The following USH2A variants were observed in gnomAD, a reference collection of about 807,000 sequenced individuals.
USH2A encodes the protein usherin, also known as Usher syndrome 2A (autosomal recessive, mild).
USH2A carries 443 observed loss-of-function variants against 538.9 expected under a neutral mutation model. That is an observed-to-expected ratio of 0.82 (90% CI 0.76 to 0.89). USH2A has a LOEUF of 0.89. Among genes scored for constraint, USH2A ranks in the 40% least tolerant of loss-of-function variants. The pLI is 0.00. For missense variants in USH2A, 6,633 were observed against 6,324.8 expected (o/e 1.05, Z -1.65); for synonymous variants, 2,413 against 2,273.5 (o/e 1.06, Z -1.75).
chr1:216,397,472 C>T (rs960369709), intron 3 of USH2A, among the ~76,000 whole-genome samples: 1 of 152,156 alleles, frequency 6.6e-6, no homozygotes, highest in Non-Finnish European at 1.5e-5. Context: ...AGAGAAAGAC[C>T]TACCCTCAAT....
chr1:216,159,571 C>CACAG (rs67390722), intron 21 of USH2A, among the ~76,000 whole-genome samples: 7,505 of 144,936 alleles, frequency 0.052, 249 homozygotes, highest in Non-Finnish European at 0.081. Flanking sequence ...CACACACACA[C>CACAG]AGAGAATATT....
intron 3 of USH2A, among the ~76,000 whole-genome samples, chr1:216,401,083 G>C (rs1319037894): frequency 6.6e-6 from 1 of 152,028 alleles, no homozygotes; most frequent in Non-Finnish European, 1.5e-5. Context: ...CACGGTTGAA[G>C]CAAAAATTAC....
At chr1:215,693,837 C>A (rs1658702239) in intron 61 of USH2A, among the ~76,000 whole-genome samples, 1 of 152,066 alleles carries the variant, frequency 6.6e-6, no homozygotes, top group Non-Finnish European at 1.5e-5. Flanking sequence ...CTGGCAGAGC[C>A]CCTGAAAGAG....
chr1:215,675,188 G>A lies in USH2A; in HGVS notation c.12723C>T (p.Tyr4241=). 1 of 1,614,086 alleles carries A rather than the reference G, an allele frequency of 6.2e-7. No individual in the cohort carries two copies. The highest frequency in any genetic ancestry group is 8.5e-7 in the Non-Finnish European group (1 of 1,180,020). ...AGGTATGCCCAGCTGAATTCCAAGT[G>A]TAGATTTTATATTCACACTGCGTCC... The part of the protein sequence containing the change: ...QPWTQCEYKI[Y]TWNSAGHTCS... Residue 4241 remains tyrosine, a synonymous_variant, in exon 63 of 72, where the codon TAC becomes TAT. Coordinates refer to ENST00000307340, the MANE Select transcript of USH2A (RefSeq NM_206933.4).
At chr1:216,102,936 C>T (rs1190134374) in intron 21 of USH2A, among the ~76,000 whole-genome samples, 4 of 152,202 alleles carry the variant, frequency 2.6e-5, no homozygotes, top group Admixed American at 1.3e-4. Context: ...TACAGCAAGA[C>T]CTTTCATTAC....
At chr1:216,314,988 A>G (rs535150641) in intron 9 of USH2A, among the ~76,000 whole-genome samples, 1 of 152,332 alleles carries the variant, frequency 6.6e-6, no homozygotes, top group East Asian at 1.9e-4. Flanking sequence ...AGGTAAATGT[A>G]GTTATTAAAG....
chr1:216,328,582 C>G (rs1289364072), intron 4 of USH2A, among the ~76,000 whole-genome samples: 1 of 151,896 alleles, frequency 6.6e-6, no homozygotes, highest in Non-Finnish European at 1.5e-5. Flanking sequence ...TTTAACTATT[C>G]AGTTTTCACT....
chr1:215,784,027 A>T (rs1430381193), intron 52 of USH2A, among the ~76,000 whole-genome samples: 2 of 152,220 alleles, frequency 1.3e-5, no homozygotes, highest in Non-Finnish European at 2.9e-5. Context: ...ATTGCTCTAC[A>T]AATGTAAAGC....
chr1:215,695,715 C>T (rs574639897), intron 61 of USH2A, among the ~76,000 whole-genome samples: 4 of 151,886 alleles, frequency 2.6e-5, no homozygotes, highest in South Asian at 2.1e-4. Context: ...CACAGGCAAA[C>T]GTCTACATAT....
chr1:216,295,667 A>T (rs760798376), intron 9 of USH2A, among the ~76,000 whole-genome samples: 1 of 151,918 alleles, frequency 6.6e-6, no homozygotes, highest in Non-Finnish European at 1.5e-5. Context: ...TTTGCTGTGA[A>T]ATACTTAATG....
intron 35 of USH2A, among the ~76,000 whole-genome samples, chr1:215,984,135 C>G (rs1667816793): frequency 6.6e-6 from 1 of 152,142 alleles, no homozygotes; most frequent in Non-Finnish European, 1.5e-5. Context: ...GAAGGTTCAG[C>G]CTTACAGGGC....
intron 11 of USH2A, among the ~76,000 whole-genome samples, chr1:216,285,731 C>G (rs1439901486): frequency 6.6e-6 from 1 of 152,250 alleles, no homozygotes; most frequent in African/African-American, 2.4e-5. Context: ...AGCAAAGCCA[C>G]AGGGGCCGAG....
At chr1:216,207,492 G>A (rs2035141667) in intron 15 of USH2A, 61 bp from the exon 16 acceptor site, 1 of 1,598,370 alleles carries the variant, frequency 6.3e-7, no homozygotes, top group African/African-American at 1.3e-5. Flanking sequence ...AAAGCAAACT[G>A]AAGTAAGATA....
chr1:216,190,509 T>C (rs1307414369), intron 19 of USH2A, 142 bp from the exon 20 acceptor site: 1 of 1,181,090 alleles, frequency 8.5e-7, no homozygotes, highest in Non-Finnish European at 1.2e-6. Context: ...TTTTTTTTTT[T>C]TTTTCTGAAG....
At chr1:216,180,790 A>G (rs919496934) in intron 20 of USH2A, among the ~76,000 whole-genome samples, 53 of 152,138 alleles carry the variant, frequency 3.5e-4, no homozygotes, top group Non-Finnish European at 1.5e-4. Flanking sequence ...CACCCTGTCA[A>G]TAGAATATGA....
intron 61 of USH2A, among the ~76,000 whole-genome samples, chr1:215,684,171 A>T (rs969009694): frequency 3.3e-5 from 5 of 152,334 alleles, no homozygotes; most frequent in South Asian, 4.1e-4. Context: ...AGACATAAAG[A>T]CAAGACTCTC....
At chr1:216,115,440 G>A (rs1003963067) in intron 21 of USH2A, among the ~76,000 whole-genome samples, 8 of 152,000 alleles carry the variant, frequency 5.3e-5, no homozygotes, top group African/African-American at 1.9e-4. Flanking sequence ...CCATTGTGCT[G>A]GGCACAAATA....
chr1:215,786,997 T>A (rs1254586303), intron 51 of USH2A, 123 bp from the exon 52 acceptor site: 2 of 878,354 alleles, frequency 2.3e-6, no homozygotes, highest in African/African-American at 3.4e-5. Context: ...TGAATGAATA[T>A]TTCAAAATTT....
chr1:216,247,431 C>T (rs913899723), intron 12 of USH2A, among the ~76,000 whole-genome samples: 24 of 152,122 alleles, frequency 1.6e-4, no homozygotes, highest in South Asian at 4.1e-4. Flanking sequence ...TTGCGATGAA[C>T]TTCATAAATT....
Sources: gnomAD v4.1 joint callset for allele counts (sites outside exome capture counted in the v4.1 genomes callset) on GRCh38, gnomAD v4.1.1 for gene constraint, MANE v1.5 for transcripts, NCBI Gene and HGNC (gene_info 2026-07-23, HGNC 2026-07-21) for gene names.